The following OTUD4 variants were observed in gnomAD, a reference collection of about 807,000 sequenced individuals.
OTUD4 encodes the protein OTU deubiquitinase 4, also known as OTU domain-containing protein 4.
Under a neutral mutation model 130.4 loss-of-function variants are expected in OTUD4, and 24 were observed. The observed-to-expected ratio is 0.18, with a 90% CI of 0.13 to 0.26. The LOEUF (loss-of-function observed/expected upper bound fraction) is 0.26, where lower values mean the gene tolerates loss of function less well. Ranked by LOEUF, OTUD4 falls within the 10% of genes least tolerant of loss-of-function variation. The pLI is 1.00. For synonymous variants in OTUD4, 420 were observed against 472.5 expected (o/e 0.89, Z 1.44); for missense variants, 1,031 against 1,329.4 (o/e 0.78, Z 3.49).
chr4:145,175,953 G>A (rs989156231), intron 1 of OTUD4, among the ~76,000 whole-genome samples: 4 of 151,344 alleles, frequency 2.6e-5, no homozygotes, highest in South Asian at 2.1e-4. Context: ...CGCAACCTCC[G>A]CCTCACAAGT....
chr4:145,142,132 G>A, intron 18 of OTUD4, 64 bp downstream of exon 18: 1 of 1,445,748 alleles, frequency 6.9e-7, no homozygotes, highest in Non-Finnish European at 9.6e-7. Flanking sequence ...TTCCACTCAA[G>A]AATTTGAAGT....
At chr4:145,175,093 G>A (rs553116888) in intron 1 of OTUD4, among the ~76,000 whole-genome samples, 3 of 152,124 alleles carry the variant, frequency 2.0e-5, no homozygotes, top group Non-Finnish European at 4.4e-5. Context: ...TCCATGCTAC[G>A]CCACGCTCAA....
chr4:145,146,079 ATC>A (rs1220119029), intron 14 of OTUD4, 186 bp downstream of exon 14: 5 of 378,570 alleles, frequency 1.3e-5, no homozygotes, highest in African/African-American at 4.2e-5. Context: ...TTTTAGTAAT[ATC>A]TCTAGGTCTA....
At chr4:145,140,779 A>G (rs1226590701) in intron 19 of OTUD4, among the ~76,000 whole-genome samples, 1 of 152,136 alleles carries the variant, frequency 6.6e-6, no homozygotes. Context: ...TATTATTGTA[A>G]TTCAGAATGG....
Position 145,137,995 on chromosome 4 carries a change from C to T in OTUD4, c.2780G>A (p.Ser927Asn). Residue 927 changes from serine to asparagine, a missense_variant, in exon 21 of 21, where the codon AGT becomes AAT. Transcript: ENST00000447906. ...GCCTTCGTCCGGCTTACTGCTCACA[C>T]TTGCTTCAGGGAGAGAATGTACATG... ...GEHVHSLPEA[S>N]VSSKPDEGRT... 1 of 1,614,176 alleles carries T rather than the reference C, an allele frequency of 6.2e-7. No homozygotes were observed. The highest frequency in any genetic ancestry group is 8.5e-7 in the Non-Finnish European group (1 of 1,180,032).
intron 6 of OTUD4, among the ~76,000 whole-genome samples, chr4:145,159,919 GGAC>G (rs1211848758): frequency 6.6e-6 from 1 of 152,152 alleles, no homozygotes; most frequent in Non-Finnish European, 1.5e-5. Context: ...GAAACAAGTA[GGAC>G]AACAGGAAAA....
intron 1 of OTUD4, 97 bp downstream of exon 1, chr4:145,179,718 C>G: frequency 7.0e-7 from 1 of 1,425,906 alleles, no homozygotes; most frequent in South Asian, 1.5e-5. Context: ...CAGCCCCGGC[C>G]GTGGGCGGCC....
chr4:145,167,903 G>C (rs144560975), intron 3 of OTUD4, among the ~76,000 whole-genome samples: 140 of 152,044 alleles, frequency 9.2e-4, no homozygotes, highest in Non-Finnish European at 1.2e-3. Flanking sequence ...TCAACAAAAT[G>C]CTACATGAGA....
At position 145,159,129 on chromosome 4, in the gene OTUD4, AAAG is replaced by A. The variant is rs545975837; in HGVS notation, c.629+371_629+373del. On this transcript the variant is annotated intron_variant, in intron 7 of 20. Transcript: ENST00000447906. ...GCACTACCTAAGAAAGAAAACAATA[AAAG>A]AAAGTGAAGGAAATCCAAACGGCCA... 957 of 1,044,112 alleles carry A rather than the reference AAAG, an allele frequency of 9.2e-4. 7 individuals carry two copies. In the African/African-American group the frequency reaches 0.014, roughly 15 times the overall value. The allele number at this position is 1,044,112 out of a possible 1,614,324, so 64.7% of individuals were successfully genotyped here.
chr4:145,155,254 CT>C (rs1362151252), intron 10 of OTUD4, among the ~76,000 whole-genome samples, 156 bp downstream of exon 10: 3 of 152,128 alleles, frequency 2.0e-5, no homozygotes, highest in African/African-American at 7.2e-5. Context: ...AGTCAAAAAG[CT>C]AAATACTTGT....
Position 145,137,374 on chromosome 4 carries a change from C to A in OTUD4, c.*56G>T. On this transcript the variant is annotated 3_prime_UTR_variant, in exon 21 of 21. Transcript: ENST00000447906. ...TTACTTTATTGTATTTTTTTTAAAG[C>A]CTTCAGAAACATTCCACCTAAGAGT... The A allele has an allele frequency of 1.4e-6, 2 of 1,414,582 alleles. No individual in the cohort carries two copies. Among genetic ancestry groups the A allele is most frequent in the Non-Finnish European group, 1.9e-6 (2 of 1,035,182 alleles). The allele number at this position is 1,414,582 out of a possible 1,614,324, so 87.6% of individuals were successfully genotyped here.
chr4:145,135,944 G>A lies in OTUD4; in HGVS notation c.*1486C>T, dbSNP rs531613401. ...ATCTGTTTCAGTTTGTCAAATTCAAGTGAATTGTATTTTCTTAAGTAATTT... is the reference window on the plus strand; with the variant it reads ...ATCTGTTTCAGTTTGTCAAATTCAAATGAATTGTATTTTCTTAAGTAATTT... On this transcript the variant is annotated 3_prime_UTR_variant, in exon 21 of 21. Transcript: ENST00000447906. 1.3e-5 allele frequency: 2 copies of A among 152,738 alleles called. No individual in the cohort carries two copies. Among genetic ancestry groups the A allele is most frequent in the South Asian group, 2.1e-4 (1 of 4,830 alleles). 9.5% of individuals were successfully genotyped at this position (152,738 alleles called of 1,614,324 possible). A position where few individuals can be genotyped will look rare whatever the true frequency, so the allele number is the denominator to read the frequency against.
rs1385112497 is a variant in OTUD4 at position 145,146,487 on chromosome 4, T to TAAAC, written c.1260-59_1260-58insGTTT. ...ATAAATAAATAAATAAATAAATAAA[T>TAAAC]AAAACATTCTTGTCAAAAAAAAAAA... On this transcript the variant is annotated intron_variant, in intron 13 of 20. Coordinates refer to ENST00000447906, the MANE Select transcript of OTUD4 (RefSeq NM_001366057.1). 14 of 929,898 alleles carry TAAAC rather than the reference T, an allele frequency of 1.5e-5. No individual in the cohort carries two copies. In the African/African-American group the frequency reaches 2.4e-4, roughly 16 times the overall value. 57.6% of individuals were successfully genotyped at this position (929,898 alleles called of 1,614,324 possible).
rs191672480 is a variant in OTUD4 at position 145,161,036 on chromosome 4, G to A, written c.497-1401C>T. 2.0e-5 allele frequency among the ~76,000 whole-genome samples: 3 copies of A among 152,184 alleles called. No homozygotes were observed. The East Asian group carries it at 5.8e-4, about 29-fold the overall frequency. ...GAGGCAGGAGAATAGCTTAAACCCA[G>A]GAGGCGGAAGTTGCAGTGAGCCAAG... is the stretch of plus-strand genomic sequence containing the variant. On this transcript the variant is annotated intron_variant, in intron 6 of 20. Coordinates refer to ENST00000447906, the MANE Select transcript of OTUD4 (RefSeq NM_001366057.1).
chr4:145,157,248 T>C (rs1199362820), intron 7 of OTUD4, among the ~76,000 whole-genome samples: 2 of 152,146 alleles, frequency 1.3e-5, no homozygotes, highest in Non-Finnish European at 2.9e-5. Context: ...TAGGCTGATA[T>C]AGTTTAGCCT....
Position 145,141,370 on chromosome 4 carries a change from G to C in OTUD4, c.2083+9C>G, listed in dbSNP as rs770689932. 8.9e-6 allele frequency: 14 copies of C among 1,565,464 alleles called. No individual in the cohort carries two copies. The highest frequency in any genetic ancestry group is 1.1e-5 in the Non-Finnish European group (13 of 1,156,690). Reference sequence around the variant, plus strand: ...ATAAAGTCGATTTGAACTTGGAGAAGGAGCTCACCTTTAGGTAGGTCCTCC... The same window carrying C: ...ATAAAGTCGATTTGAACTTGGAGAACGAGCTCACCTTTAGGTAGGTCCTCC... On this transcript the variant is annotated intron_variant, in intron 19 of 20. Coordinates refer to ENST00000447906, the MANE Select transcript of OTUD4 (RefSeq NM_001366057.1).
chr4:145,147,118 T>C (rs911350363), intron 13 of OTUD4, among the ~76,000 whole-genome samples: 13 of 152,182 alleles, frequency 8.5e-5, no homozygotes, highest in Admixed American at 2.6e-4. Context: ...AAAAGCAGTA[T>C]GAATACTATT....
At chr4:145,177,978 A>G (rs937898791) in intron 1 of OTUD4, 6 of 152,214 alleles carry the variant, frequency 3.9e-5, no homozygotes, top group South Asian at 2.1e-4. Flanking sequence ...GATGATGGCT[A>G]TAACTGTAGC....
chr4:145,156,210 A>T (rs972099833), intron 7 of OTUD4, among the ~76,000 whole-genome samples: 5 of 152,270 alleles, frequency 3.3e-5, no homozygotes, highest in African/African-American at 1.2e-4. Flanking sequence ...AGACAACAGT[A>T]ATTCTAACTG....
Sources: gnomAD v4.1 joint callset for allele counts (sites outside exome capture counted in the v4.1 genomes callset) on GRCh38, gnomAD v4.1.1 for gene constraint, MANE v1.5 for transcripts, NCBI Gene and HGNC (gene_info 2026-07-23, HGNC 2026-07-21) for gene names.